Variants in LARP1 observed in about 807,000 individuals in gnomAD.
LARP1 encodes La ribonucleoprotein 1, translational regulator, also known as la-related protein 1.
LARP1 carries 36 observed loss-of-function variants against 122.7 expected under a neutral mutation model. The ratio of observed to expected loss-of-function variants is 0.29; its 90% CI spans 0.22 to 0.39. The LOEUF is 0.39. LARP1 is among the 10% of genes least tolerant of loss of function. The pLI is 1.00. For synonymous variants in LARP1, 539 were observed against 528.7 expected (o/e 1.02, Z -0.27); for missense variants, 1,040 against 1,403.6 (o/e 0.74, Z 4.14).
At chr5:154,720,846 A>C (rs1755820631) in intron 1 of LARP1, among the ~76,000 whole-genome samples, 1 of 152,124 alleles carries the variant, frequency 6.6e-6, no homozygotes, top group South Asian at 2.1e-4. Context: ...GTGGTTTGCA[A>C]ACTGCGGGCT....
chr5:154,751,279 G>C (rs1176793095), upstream of LARP1, among the ~76,000 whole-genome samples: 1 of 152,162 alleles, frequency 6.6e-6, no homozygotes, highest in East Asian at 1.9e-4. Context: ...CTATGATGCT[G>C]AGTACCCACC....
chr5:154,699,501 A>T (rs1754620197), intron 1 of LARP1, among the ~76,000 whole-genome samples: 1 of 152,106 alleles, frequency 6.6e-6, no homozygotes. Context: ...ACAAAAAAAA[A>T]AAAAATTTAA....
In LARP1 at chr5:154,805,297, C is replaced by T. The variant is rs184634007; in HGVS notation, c.2547-584C>T. 299 of 224,144 alleles carry T rather than the reference C, an allele frequency of 1.3e-3. 1 individual carries two copies. The highest frequency in any genetic ancestry group is 1.9e-3 in the Non-Finnish European group (214 of 112,502). The allele number at this position is 224,144 out of a possible 1,614,324, so 13.9% of individuals were successfully genotyped here. ...GAATCATCATAAAGGTCTTCATCGTCGTGGTCTTCATGTTTAGCAGGCTGA... is the reference window on the plus strand; with the variant it reads ...GAATCATCATAAAGGTCTTCATCGTTGTGGTCTTCATGTTTAGCAGGCTGA... On this transcript the variant is annotated intron_variant, in intron 14 of 18. Coordinates refer to ENST00000518297, the MANE Select transcript of LARP1 (RefSeq NM_033551.3).
upstream of LARP1, among the ~76,000 whole-genome samples, chr5:154,753,258 A>C (rs186344948): frequency 7.3e-4 from 111 of 152,220 alleles, no homozygotes; most frequent in Non-Finnish European, 1.4e-3. Flanking sequence ...AGAGTGAATA[A>C]TCTCTTCAGG....
In LARP1 at chr5:154,803,817, C is replaced by G; in HGVS notation, c.2439+72C>G. 6.9e-7 allele frequency: 1 copy of G among 1,452,774 alleles called. No homozygotes were observed. The highest frequency in any genetic ancestry group is 1.2e-5 in the South Asian group (1 of 85,512). 90.0% of individuals were successfully genotyped at this position (1,452,774 alleles called of 1,614,324 possible). A position where few individuals can be genotyped will look rare whatever the true frequency, so the allele number is the denominator to read the frequency against. The stretch of plus-strand genomic sequence containing the variant: ...TGCATTCCAGTGCTTTGCTTCTCTC[C>G]CTTGCCTTGTCTGAGCTAAGGAAGT... On this transcript the variant is annotated intron_variant, in intron 13 of 18. Coordinates refer to ENST00000518297, the MANE Select transcript of LARP1 (RefSeq NM_033551.3). This position sits in a 1 kb window ranked among gnomAD's most constrained non-coding sequence, Gnocchi z 4.4.
intron 1 of LARP1, among the ~76,000 whole-genome samples, chr5:154,738,169 T>C (rs1757018360): frequency 6.6e-6 from 1 of 152,194 alleles, no homozygotes; most frequent in Non-Finnish European, 1.5e-5. Flanking sequence ...TTTGCTGCCA[T>C]TCCCTAAGCA....
chr5:154,812,515 C>CAA, intron 18 of LARP1, among the ~76,000 whole-genome samples: 1 of 80,750 alleles, frequency 1.2e-5, no homozygotes, highest in African/African-American at 5.0e-5. Context: ...GCCCCCCCCC[C>CAA]CCACCCCCCC....
intron 1 of LARP1, among the ~76,000 whole-genome samples, chr5:154,707,023 T>C (rs897504630): frequency 5.9e-5 from 9 of 152,330 alleles, no homozygotes; most frequent in Middle Eastern, 3.4e-3. Flanking sequence ...TTCTTCCAAC[T>C]TAAAAAAATG....
upstream of LARP1, among the ~76,000 whole-genome samples, chr5:154,752,330 C>T (rs1753546360): frequency 6.6e-6 from 1 of 151,984 alleles, no homozygotes; most frequent in African/African-American, 2.4e-5. Flanking sequence ...GCAACCTCCG[C>T]CACCTGGGTT....
At chr5:154,773,951 A>G (rs957949971) in intron 1 of LARP1, among the ~76,000 whole-genome samples, 2 of 152,214 alleles carry the variant, frequency 1.3e-5, no homozygotes, top group African/African-American at 2.4e-5. Flanking sequence ...GGTTTGTCCA[A>G]CAATCCTGCA....
intron 1 of LARP1, among the ~76,000 whole-genome samples, chr5:154,699,584 C>T (rs569148739): frequency 2.6e-5 from 4 of 152,086 alleles, no homozygotes; most frequent in African/African-American, 4.8e-5. Flanking sequence ...TGAGAGACAC[C>T]GACCTAACTA....
At chr5:154,778,217 G>A (rs887986701) in intron 1 of LARP1, among the ~76,000 whole-genome samples, 6 of 148,342 alleles carry the variant, frequency 4.0e-5, no homozygotes, top group Admixed American at 1.4e-4. Flanking sequence ...CCGAGATCGC[G>A]CTGCTGCACT....
rs546875493 is a variant in LARP1 at position 154,690,001 on chromosome 5, G to T, written c.-180+6964G>T. Among the ~76,000 whole-genome samples the T allele has an allele frequency of 1.1e-4, 17 of 152,140 alleles. No individual in the cohort carries two copies. The East Asian group carries it at 2.9e-3, about 26-fold the overall frequency. On this transcript the variant is annotated intron_variant, in intron 1 of 18. Coordinates refer to the LARP1 transcript ENST00000687700. Reference sequence around the variant, plus strand: ...GGTTGCACTGAGCAGAGATCGCGCCGTTGCACTCCAGGCTGGGTGACAGAG... The same window carrying T: ...GGTTGCACTGAGCAGAGATCGCGCCTTTGCACTCCAGGCTGGGTGACAGAG...
intron 1 of LARP1, among the ~76,000 whole-genome samples, chr5:154,782,956 C>T (rs941808330): frequency 5.3e-5 from 8 of 152,170 alleles, no homozygotes; most frequent in African/African-American, 1.9e-4. Context: ...TATGACTCCA[C>T]CCCATCCCCA....
chr5:154,801,935 C>T, intron 10 of LARP1, 72 bp from the exon 11 acceptor site: 1 of 1,439,282 alleles, frequency 6.9e-7, no homozygotes, highest in Non-Finnish European at 9.4e-7. Flanking sequence ...GCTTCCCTCT[C>T]ATGGTATAGC....
chr5:154,768,719 C>A (rs573310726), intron 1 of LARP1, among the ~76,000 whole-genome samples: 48 of 152,026 alleles, frequency 3.2e-4, no homozygotes, highest in Non-Finnish European at 5.3e-4. Flanking sequence ...GTAGCTGGGA[C>A]TACAGGCACG....
At chr5:154,694,808 G>C (rs1176313738) in intron 1 of LARP1, among the ~76,000 whole-genome samples, 6 of 151,984 alleles carry the variant, frequency 3.9e-5, no homozygotes, top group Non-Finnish European at 7.4e-5. Flanking sequence ...GACAATTGTT[G>C]CTATGTGATT....
intron 1 of LARP1, among the ~76,000 whole-genome samples, chr5:154,749,311 G>A (rs547709316): frequency 6.6e-6 from 1 of 152,310 alleles, no homozygotes; most frequent in South Asian, 2.1e-4. Context: ...GATGAGAAGA[G>A]GCTGGGATGG....
chr5:154,755,197 C>A (rs1411036035), upstream of LARP1, among the ~76,000 whole-genome samples: 19 of 149,078 alleles, frequency 1.3e-4, no homozygotes. Flanking sequence ...GGCAGGACCG[C>A]GTAGCCGTGC....
Sources: gnomAD v4.1 joint callset for allele counts (sites outside exome capture counted in the v4.1 genomes callset) on GRCh38, gnomAD v4.1.1 for gene constraint, Gnocchi (gnomAD v3.1) non-coding constraint, MANE v1.5 for transcripts, NCBI Gene and HGNC (gene_info 2026-07-23, HGNC 2026-07-21) for gene names.